The following B3GALT1 variants were observed in gnomAD, a reference collection of about 807,000 sequenced individuals.
B3GALT1 encodes beta-1,3-galactosyltransferase 1, also known as UDP-Gal:betaGlcNAc beta 1,3-galactosyltransferase, polypeptide 1.
B3GALT1 carries 10 observed loss-of-function variants against 23.2 expected under a neutral mutation model. That is an observed-to-expected ratio of 0.43 (90% CI 0.27 to 0.73). B3GALT1 has a LOEUF of 0.73. B3GALT1 is among the 30% of genes least tolerant of loss of function. The probability of loss-of-function intolerance (pLI) is 0.21; values close to 1 mark genes in which losing one functional copy is unlikely to be tolerated. For synonymous variants in B3GALT1, 156 were observed against 141.5 expected, an observed-to-expected ratio of 1.10 and a Z score of -0.73; for missense variants, 299 against 405.4, an observed-to-expected ratio of 0.74 and a Z score of 2.25.
chr2:167,773,800 C>T (rs954281430), intron 3 of B3GALT1, among the ~76,000 whole-genome samples: 2 of 152,134 alleles, frequency 1.3e-5, no homozygotes, highest in African/African-American at 2.4e-5. Flanking sequence ...TAGTTGGCTC[C>T]GAAGTAAAAC....
chr2:167,781,602 T>C (rs2105320107), intron 3 of B3GALT1, among the ~76,000 whole-genome samples: 1 of 152,310 alleles, frequency 6.6e-6, no homozygotes, highest in East Asian at 1.9e-4. Flanking sequence ...TGTTATTTCC[T>C]CACAGTATTT....
chr2:167,565,043 T>G (rs199671056), intron 2 of B3GALT1, among the ~76,000 whole-genome samples: 36 of 152,272 alleles, frequency 2.4e-4, no homozygotes, highest in African/African-American at 8.4e-4. Flanking sequence ...GAGCCCGCAT[T>G]GCCAAGTCAA....
chr2:167,744,191 G>A (rs1197946882), intron 3 of B3GALT1, among the ~76,000 whole-genome samples: 1 of 152,074 alleles, frequency 6.6e-6, no homozygotes, highest in Non-Finnish European at 1.5e-5. Context: ...TGATAAGAAT[G>A]CAATATCACT....
chr2:167,657,349 C>T (rs911241203), intron 3 of B3GALT1, among the ~76,000 whole-genome samples: 2 of 151,934 alleles, frequency 1.3e-5, no homozygotes, highest in Non-Finnish European at 2.9e-5. Flanking sequence ...ATAAACGGCC[C>T]AGGAAAGAAA....
At chr2:167,403,143 G>C (rs977140134) in intron 1 of B3GALT1, among the ~76,000 whole-genome samples, 3 of 151,056 alleles carry the variant, frequency 2.0e-5, no homozygotes, top group African/African-American at 4.9e-5. Flanking sequence ...ATTTACATTA[G>C]GCATATCTCC....
At chr2:167,337,364 C>A (rs1697076023) in intron 1 of B3GALT1, among the ~76,000 whole-genome samples, 1 of 151,972 alleles carries the variant, frequency 6.6e-6, no homozygotes, top group Non-Finnish European at 1.5e-5. Flanking sequence ...CACACACACT[C>A]TCACACCATA....
intron 3 of B3GALT1, among the ~76,000 whole-genome samples, chr2:167,755,130 A>G (rs2105291268): frequency 6.6e-6 from 1 of 152,282 alleles, no homozygotes; most frequent in East Asian, 1.9e-4. Flanking sequence ...AATTCGAAGC[A>G]TAGTTTCCTC....
At chr2:167,442,048 T>G (rs1422732480) in intron 1 of B3GALT1, among the ~76,000 whole-genome samples, 27 of 130,476 alleles carry the variant, frequency 2.1e-4, no homozygotes, top group African/African-American at 6.5e-4. Flanking sequence ...CCCCACCACA[T>G]TCCCCAGAGT....
intron 1 of B3GALT1, among the ~76,000 whole-genome samples, chr2:167,344,526 A>G (rs1363880906): frequency 6.6e-6 from 1 of 152,104 alleles, no homozygotes; most frequent in Non-Finnish European, 1.5e-5. Context: ...GGGAATGTTA[A>G]TCTATATAGG....
intron 1 of B3GALT1, among the ~76,000 whole-genome samples, chr2:167,353,984 A>G (rs575025106): frequency 6.6e-6 from 1 of 152,306 alleles, no homozygotes; most frequent in Non-Finnish European, 1.5e-5. Context: ...TGTACAATGT[A>G]TGGATACTAG....
chr2:167,326,418 C>T (rs1054633100), intron 1 of B3GALT1, among the ~76,000 whole-genome samples: 2 of 151,842 alleles, frequency 1.3e-5, no homozygotes, highest in Non-Finnish European at 2.9e-5. Context: ...TTTGGCTGTA[C>T]AGCAGCTTTT....
chr2:167,301,353 T>G (rs1696442234), intron 1 of B3GALT1, among the ~76,000 whole-genome samples: 1 of 152,166 alleles, frequency 6.6e-6, no homozygotes, highest in Non-Finnish European at 1.5e-5. Flanking sequence ...GATGAAGTCC[T>G]TTCTGGGTAC....
chr2:167,785,756 A>C (rs566220176), intron 3 of B3GALT1, among the ~76,000 whole-genome samples: 6 of 152,298 alleles, frequency 3.9e-5, no homozygotes, highest in African/African-American at 9.6e-5. Context: ...TTATGAATGC[A>C]GTGGTTAGTC....
chr2:167,703,410 C>G (rs1686911571), intron 3 of B3GALT1, among the ~76,000 whole-genome samples: 1 of 152,148 alleles, frequency 6.6e-6, no homozygotes, highest in Non-Finnish European at 1.5e-5. Flanking sequence ...GCCCCTGACC[C>G]ATGCTGAAGT....
At chr2:167,614,450 C>G (rs868387512) in intron 2 of B3GALT1, among the ~76,000 whole-genome samples, 2 of 151,662 alleles carry the variant, frequency 1.3e-5, no homozygotes, top group Non-Finnish European at 2.9e-5. Flanking sequence ...TCAATTGTCT[C>G]TGAATCCATT....
At chr2:167,667,762 C>A (rs181812545) in intron 3 of B3GALT1, among the ~76,000 whole-genome samples, 1 of 152,232 alleles carries the variant, frequency 6.6e-6, no homozygotes, top group Admixed American at 6.5e-5. Flanking sequence ...CTTCTGCATT[C>A]TTCACGTAGT....
intron 1 of B3GALT1, among the ~76,000 whole-genome samples, chr2:167,488,882 C>T (rs531014709): frequency 1.4e-3 from 215 of 151,526 alleles, no homozygotes; most frequent in African/African-American, 4.8e-3. Context: ...TAAGATTTTT[C>T]GATTTATCCA....
chr2:167,853,368 A>G (rs1347940043), intron 4 of B3GALT1, among the ~76,000 whole-genome samples: 1 of 152,104 alleles, frequency 6.6e-6, no homozygotes, highest in African/African-American at 2.4e-5. Context: ...CTATTTTTTT[A>G]ATTTGAGAAC....
chr2:167,391,886 A>G (rs1176029567), intron 1 of B3GALT1, among the ~76,000 whole-genome samples: 1 of 152,166 alleles, frequency 6.6e-6, no homozygotes, highest in Non-Finnish European at 1.5e-5. Flanking sequence ...TACCCATTGT[A>G]TTCTTAAATG....
Sources: allele counts gnomAD v4.1 joint callset (sites outside exome capture counted in the v4.1 genomes callset), GRCh38; gene constraint gnomAD v4.1.1; transcripts MANE v1.5; gene names NCBI Gene and HGNC (gene_info 2026-07-23, HGNC 2026-07-21).